The following SUGCT variants were observed in gnomAD, a reference collection of about 807,000 sequenced individuals.
SUGCT encodes succinyl-CoA:glutarate CoA-transferase.
SUGCT carries 41 observed loss-of-function variants against 55.0 expected under a neutral mutation model. The ratio of observed to expected loss-of-function variants is 0.74; its 90% CI spans 0.58 to 0.97. The LOEUF is 0.97. Among genes scored for constraint, SUGCT ranks in the 50% least tolerant of loss-of-function variants. SUGCT has a pLI of 0.00. For missense variants in SUGCT, 568 were observed against 547.8 expected (o/e 1.04, Z -0.37); for synonymous variants, 187 against 200.4 (o/e 0.93, Z 0.56).
intron 10 of SUGCT, among the ~76,000 whole-genome samples, chr7:40,456,067 C>G (rs1410812559): frequency 6.6e-6 from 1 of 151,838 alleles, no homozygotes; most frequent in Non-Finnish European, 1.5e-5. Context: ...GCTCTATTGC[C>G]CAGGATGGAG....
In SUGCT at chr7:40,272,657, TA is replaced by T. The variant is rs1792156261; in HGVS notation, c.577-1855del. 3.3e-5 allele frequency among the ~76,000 whole-genome samples: 5 copies of T among 149,276 alleles called. No homozygotes were observed. In the South Asian group the frequency reaches 8.5e-4, roughly 25 times the overall value. Reference sequence around the variant, plus strand: ...GATCATATGGTATTATTATTATTATTATTATTATTTTTTTTTTTTTGAGATG... The same window carrying T: ...GATCATATGGTATTATTATTATTATTTTATTATTTTTTTTTTTTTGAGATG... On this transcript the variant is annotated intron_variant, in intron 7 of 13. Coordinates refer to ENST00000335693, the MANE Select transcript of SUGCT (RefSeq NM_001193313.2).
chr7:40,295,365 C>T lies in SUGCT; in HGVS notation c.720+20709C>T, dbSNP rs995232818. ...TCAAGGCAGGCGGATCACCTGAGGTCAGGAGTTCGAGACCAGCCTGACCAG... is the reference window on the plus strand; with the variant it reads ...TCAAGGCAGGCGGATCACCTGAGGTTAGGAGTTCGAGACCAGCCTGACCAG... On this transcript the variant is annotated intron_variant, in intron 8 of 13. Coordinates refer to ENST00000335693, the MANE Select transcript of SUGCT (RefSeq NM_001193313.2). Among the ~76,000 whole-genome samples, 4 of 152,198 alleles carry T rather than the reference C, an allele frequency of 2.6e-5. No homozygotes were observed. In the East Asian group the frequency reaches 5.8e-4, roughly 22 times the overall value.
chr7:40,989,210 C>G, the SUGCT span, among the ~76,000 whole-genome samples: 3 of 152,096 alleles, frequency 2.0e-5, no homozygotes, highest in African/African-American at 7.2e-5. Context: ...ATTGACTTTT[C>G]CTGTCACAAA....
At chr7:40,286,491 G>A (rs1793352631) in intron 8 of SUGCT, among the ~76,000 whole-genome samples, 2 of 152,268 alleles carry the variant, frequency 1.3e-5, no homozygotes, top group South Asian at 4.1e-4. Flanking sequence ...ATGTAAGGTG[G>A]CATATTCATA....
At chr7:40,684,132 G>C (rs763688400) in intron 12 of SUGCT, 12 of 1,605,326 alleles carry the variant, frequency 7.5e-6, no homozygotes, top group Non-Finnish European at 9.3e-6. Context: ...GGATCAGCAA[G>C]GGTGAGTTGA....
intron 9 of SUGCT, among the ~76,000 whole-genome samples, chr7:40,393,671 C>G (rs1443034551): frequency 6.6e-6 from 1 of 151,988 alleles, no homozygotes; most frequent in South Asian, 2.1e-4. Context: ...GCATAGGTCC[C>G]CAGTGAGTCC....
intron 13 of SUGCT, among the ~76,000 whole-genome samples, chr7:40,813,353 A>G (rs971547872): frequency 2.0e-5 from 3 of 151,828 alleles, no homozygotes; most frequent in Admixed American, 6.6e-5. Flanking sequence ...ACATCTTTTC[A>G]TATGTCTAAA....
intron 1 of SUGCT, among the ~76,000 whole-genome samples, chr7:40,150,812 T>C (rs1421372978): frequency 6.6e-6 from 1 of 152,210 alleles, no homozygotes; most frequent in Non-Finnish European, 1.5e-5. Context: ...TTCCCTGTCT[T>C]GATGAATCGG....
rs538899546 is a variant in SUGCT, at chr7:40,610,606, G to A, written c.1089+114220G>A. 3.3e-5 allele frequency among the ~76,000 whole-genome samples: 5 copies of A among 152,240 alleles called. No individual in the cohort carries two copies. In the East Asian group the frequency reaches 5.8e-4, roughly 18 times the overall value. The stretch of plus-strand genomic sequence containing the variant: ...ATGATTCAGACATTCGACTTGTAAC[G>A]CGTAATGGTTCAACTTACACCTCAT... On this transcript the variant is annotated intron_variant, in intron 12 of 13. Coordinates refer to ENST00000335693, the MANE Select transcript of SUGCT (RefSeq NM_001193313.2).
chr7:40,345,048 A>C (rs1797240839), intron 9 of SUGCT, among the ~76,000 whole-genome samples: 1 of 152,234 alleles, frequency 6.6e-6, no homozygotes, highest in Non-Finnish European at 1.5e-5. Flanking sequence ...AGCCACAATC[A>C]AGAACAGAAT....
At chr7:40,357,242 C>T (rs770732114) in intron 9 of SUGCT, among the ~76,000 whole-genome samples, 4 of 152,020 alleles carry the variant, frequency 2.6e-5, no homozygotes, top group Non-Finnish European at 5.9e-5. Context: ...TTGATCAGTA[C>T]CCAATTTGGC....
the SUGCT span, among the ~76,000 whole-genome samples, chr7:40,907,137 G>T: frequency 1.4e-3 from 34 of 24,118 alleles, no homozygotes; most frequent in Admixed American, 4.4e-3. Flanking sequence ...GTGTGTGTGT[G>T]TGTGAGAGAG....
chr7:40,777,430 C>G (rs1281374341), intron 13 of SUGCT, among the ~76,000 whole-genome samples: 2 of 151,294 alleles, frequency 1.3e-5, no homozygotes, highest in African/African-American at 4.9e-5. Context: ...TGGCCACATT[C>G]CTATTTATGT....
chr7:40,564,909 G>GA (rs764002204), intron 12 of SUGCT, among the ~76,000 whole-genome samples: 4 of 152,160 alleles, frequency 2.6e-5, no homozygotes, highest in Non-Finnish European at 4.4e-5. Flanking sequence ...TGCCCAATAT[G>GA]ATCCTGGTCT....
intron 7 of SUGCT, among the ~76,000 whole-genome samples, chr7:40,261,637 C>T (rs942888534): frequency 5.9e-5 from 9 of 152,156 alleles, no homozygotes; most frequent in Non-Finnish European, 1.2e-4. Context: ...GTATGAGCAT[C>T]TCTCCTAGAT....
At chr7:40,823,019 A>AAGCC (rs1365289879) in intron 13 of SUGCT, among the ~76,000 whole-genome samples, 5 of 152,124 alleles carry the variant, frequency 3.3e-5, no homozygotes, top group Non-Finnish European at 7.4e-5. Flanking sequence ...TGCAAGGAAA[A>AAGCC]AGCCACAAGC....
chr7:40,741,133 C>T (rs1787437727), intron 12 of SUGCT, among the ~76,000 whole-genome samples: 1 of 151,686 alleles, frequency 6.6e-6, no homozygotes, highest in Admixed American at 6.6e-5. Context: ...AAATAATTAG[C>T]CGAGTGTGGT....
chr7:40,915,506 CA>C, the SUGCT span, among the ~76,000 whole-genome samples: 1 of 152,126 alleles, frequency 6.6e-6, no homozygotes, highest in Non-Finnish European at 1.5e-5. Flanking sequence ...ACAGTAATAA[CA>C]ACAACAAAAA....
At chr7:40,156,991 G>T (rs1783928399) in intron 1 of SUGCT, among the ~76,000 whole-genome samples, 1 of 145,040 alleles carries the variant, frequency 6.9e-6, no homozygotes, top group African/African-American at 2.6e-5. Context: ...CTTCAGCCTG[G>T]GTGACAGAGC....
Sources: gnomAD v4.1 joint callset for allele counts (sites outside exome capture counted in the v4.1 genomes callset) on GRCh38, gnomAD v4.1.1 for gene constraint, MANE v1.5 for transcripts, NCBI Gene and HGNC (gene_info 2026-07-23, HGNC 2026-07-21) for gene names.